The following SLIT2 variants were observed in gnomAD, a reference collection of about 807,000 sequenced individuals.
SLIT2 encodes slit homolog 2 protein.
A neutral mutation model predicts 185.7 loss-of-function variants in SLIT2; 41 were observed. The observed-to-expected ratio is 0.22, with a 90% CI of 0.17 to 0.29. The LOEUF is 0.29. Ranked by LOEUF, SLIT2 falls within the 10% of genes least tolerant of loss-of-function variation. SLIT2 has a pLI of 1.00. For synonymous variants in SLIT2, 693 were observed against 680.2 expected, an observed-to-expected ratio of 1.02 and a Z score of -0.29; for missense variants, 1,571 against 1,909.0, an observed-to-expected ratio of 0.82 and a Z score of 3.30.
chr4:20,307,710 T>C (rs1168036637), intron 4 of SLIT2, among the ~76,000 whole-genome samples: 2 of 152,244 alleles, frequency 1.3e-5, no homozygotes, highest in African/African-American at 2.4e-5. Flanking sequence ...CTTAAGTGTA[T>C]ACCAGGGACT....
chr4:20,338,003 A>T (rs1350465678), intron 4 of SLIT2, among the ~76,000 whole-genome samples: 1 of 152,198 alleles, frequency 6.6e-6, no homozygotes, highest in Non-Finnish European at 1.5e-5. Context: ...TCCAAGGAAA[A>T]GGAAGGAAAC....
chr4:20,428,784 T>C (rs1219706709), intron 4 of SLIT2, among the ~76,000 whole-genome samples: 1 of 152,178 alleles, frequency 6.6e-6, no homozygotes, highest in Non-Finnish European at 1.5e-5. Context: ...AATTTGACTC[T>C]GCTAATGGAA....
chr4:20,308,196 G>A (rs73803867), intron 4 of SLIT2, among the ~76,000 whole-genome samples: 9,834 of 152,136 alleles, frequency 0.065, 641 homozygotes, highest in African/African-American at 0.17. Context: ...AGGTAGAGAT[G>A]CTAGAAAGGC....
chr4:20,350,804 C>T (rs1721809268), intron 4 of SLIT2, among the ~76,000 whole-genome samples: 1 of 151,786 alleles, frequency 6.6e-6, no homozygotes, highest in Admixed American at 6.6e-5. Context: ...CCAGCTTGGG[C>T]AAGAAGTAAG....
intron 4 of SLIT2, among the ~76,000 whole-genome samples, chr4:20,357,070 G>A (rs74460728): frequency 0.02 from 3,073 of 152,202 alleles, 91 homozygotes; most frequent in African/African-American, 0.069. Context: ...TGTTAAACCA[G>A]CATTTTGTAA....
chr4:20,553,767 GTGTA>G, intron 25 of SLIT2, 34 bp from the exon 26 acceptor site: 2 of 1,518,190 alleles, frequency 1.3e-6, no homozygotes, highest in East Asian at 2.3e-5. Flanking sequence ...ATGTGTGTGT[GTGTA>G]TGTGTGTGTG....
intron 33 of SLIT2, among the ~76,000 whole-genome samples, chr4:20,599,632 T>C (rs572255753): frequency 4.6e-5 from 7 of 152,172 alleles, no homozygotes; most frequent in Non-Finnish European, 1.0e-4. Context: ...GGAGAAAATA[T>C]GGACTTAGGT....
At chr4:20,318,481 A>T (rs1718785049) in intron 4 of SLIT2, among the ~76,000 whole-genome samples, 2 of 152,182 alleles carry the variant, frequency 1.3e-5, no homozygotes, top group South Asian at 4.1e-4. Flanking sequence ...ACTAGAAGAA[A>T]ATAATGATGA....
intron 4 of SLIT2, among the ~76,000 whole-genome samples, chr4:20,408,157 C>G (rs931111392): frequency 6.6e-6 from 1 of 152,154 alleles, no homozygotes; most frequent in Non-Finnish European, 1.5e-5. Flanking sequence ...ATTTGTTTAA[C>G]AGAGGCTTAT....
chr4:20,362,348 G>A (rs1214498773), intron 4 of SLIT2, among the ~76,000 whole-genome samples: 13 of 152,078 alleles, frequency 8.5e-5, no homozygotes, highest in African/African-American at 2.9e-4. Context: ...AGGTCTCAAG[G>A]GAACCTGACA....
chr4:20,357,464 C>T (rs1268722989), intron 4 of SLIT2, among the ~76,000 whole-genome samples: 2 of 151,996 alleles, frequency 1.3e-5, no homozygotes, highest in African/African-American at 4.8e-5. Flanking sequence ...GCTATTTTTC[C>T]ACAGTTAGTT....
At chr4:20,608,384 A>T (rs1305610638) in intron 33 of SLIT2, among the ~76,000 whole-genome samples, 1 of 152,160 alleles carries the variant, frequency 6.6e-6, no homozygotes, top group Non-Finnish European at 1.5e-5. Context: ...ATACCCTCTT[A>T]GAAGAGAGTC....
At chr4:20,290,083 C>T (rs1328273717) in intron 4 of SLIT2, among the ~76,000 whole-genome samples, 1 of 152,166 alleles carries the variant, frequency 6.6e-6, no homozygotes, top group African/African-American at 2.4e-5. Flanking sequence ...AGTTGCCTCC[C>T]TACACCTGGC....
intron 11 of SLIT2, among the ~76,000 whole-genome samples, chr4:20,514,706 A>G (rs2148831779): frequency 6.8e-6 from 1 of 147,676 alleles, no homozygotes; most frequent in African/African-American, 2.4e-5. Flanking sequence ...TCTTAGAGAT[A>G]AGTGGACTTG....
chr4:20,533,740 G>A, intron 18 of SLIT2, 25 bp downstream of exon 18: 2 of 1,594,282 alleles, frequency 1.3e-6, no homozygotes, highest in Non-Finnish European at 1.7e-6. Context: ...TTGCATTGCA[G>A]TTCTTCTACC....
intron 4 of SLIT2, among the ~76,000 whole-genome samples, chr4:20,285,054 C>A (rs193260850): frequency 4.9e-4 from 74 of 152,280 alleles, no homozygotes; most frequent in Non-Finnish European, 9.1e-4. Flanking sequence ...GCAATTTATT[C>A]CTTTCCACTT....
intron 4 of SLIT2, among the ~76,000 whole-genome samples, chr4:20,291,535 A>G (rs1370795099): frequency 1.7e-5 from 2 of 116,210 alleles, no homozygotes; most frequent in Admixed American, 1.0e-4. Context: ...CAGCAATGCT[A>G]TGTGTAATTG....
intron 4 of SLIT2, among the ~76,000 whole-genome samples, chr4:20,450,321 G>T (rs912160178): frequency 2.0e-5 from 3 of 152,080 alleles, no homozygotes; most frequent in Admixed American, 2.0e-4. Context: ...CCTATGGTTT[G>T]GGGCTACATT....
intron 29 of SLIT2, among the ~76,000 whole-genome samples, chr4:20,584,313 A>G (rs1431257824): frequency 1.3e-5 from 2 of 152,200 alleles, no homozygotes; most frequent in Non-Finnish European, 1.5e-5. Context: ...ATTTTCCCCA[A>G]TAAGAACAGT....
Sources: allele counts gnomAD v4.1 joint callset (sites outside exome capture counted in the v4.1 genomes callset), GRCh38; gene constraint gnomAD v4.1.1; transcripts MANE v1.5; gene names NCBI Gene and HGNC (gene_info 2026-07-23, HGNC 2026-07-21).